The following ADGRD1 variants were observed in gnomAD, a reference collection of about 807,000 sequenced individuals.
The protein encoded by ADGRD1 is adhesion G protein-coupled receptor D1.
A neutral mutation model predicts 113.4 loss-of-function variants in ADGRD1; 77 were observed. The observed-to-expected ratio is 0.68, with a 90% CI of 0.57 to 0.82. The LOEUF (loss-of-function observed/expected upper bound fraction) is 0.82. ADGRD1 is among the 40% of genes least tolerant of loss of function. The probability of loss-of-function intolerance (pLI) is 0.00; values close to 1 mark genes in which losing one functional copy is unlikely to be tolerated. For synonymous variants in ADGRD1, 474 were observed against 475.0 expected (o/e 1.00, Z 0.03); for missense variants, 1,036 against 1,139.1 (o/e 0.91, Z 1.30).
At chr12:131,054,815 C>T (rs935225391) in intron 13 of ADGRD1, among the ~76,000 whole-genome samples, 4 of 152,182 alleles carry the variant, frequency 2.6e-5, no homozygotes, top group African/African-American at 4.8e-5. Context: ...GGCTGAGCTC[C>T]GGGGCAGTTA....
chr12:131,052,926 A>T (rs756512009), intron 13 of ADGRD1, among the ~76,000 whole-genome samples: 2 of 152,130 alleles, frequency 1.3e-5, no homozygotes, highest in Non-Finnish European at 2.9e-5. Context: ...GGAGAACACG[A>T]CACTGTCTGC....
chr12:130,993,880 C>T (rs1874784630), intron 8 of ADGRD1: 1 of 154,840 alleles, frequency 6.5e-6, no homozygotes, highest in South Asian at 2.0e-4. Context: ...TCTCGCCCAG[C>T]TGCAGGCCCC....
At chr12:131,045,588 C>T (rs1041126588) in intron 13 of ADGRD1, among the ~76,000 whole-genome samples, 9 of 151,934 alleles carry the variant, frequency 5.9e-5, no homozygotes, top group East Asian at 1.9e-4. Flanking sequence ...ACCTGGATCA[C>T]GCCCATGCCC....
intron 13 of ADGRD1, chr12:131,069,931 T>G (rs1885020762): frequency 6.6e-6 from 1 of 152,238 alleles, no homozygotes; most frequent in South Asian, 2.1e-4. Context: ...GTCGCCTTGT[T>G]GCGATAGAAA....
At chr12:131,076,737 A>T in intron 13 of ADGRD1, 64 bp from the exon 14 acceptor site, 1 of 1,375,820 alleles carries the variant, frequency 7.3e-7, no homozygotes, top group Non-Finnish European at 1.0e-6. Flanking sequence ...CTCTCACATC[A>T]GTGCTGAGAA....
At chr12:131,070,884 G>C (rs772220469) in intron 13 of ADGRD1, 1 of 519,078 alleles carries the variant, frequency 1.9e-6, no homozygotes, top group Non-Finnish European at 3.8e-6. Context: ...ACGTCCTGGA[G>C]AGTCGGGTGA....
At chr12:131,098,084 C>T (rs1015805683) in intron 15 of ADGRD1, among the ~76,000 whole-genome samples, 7 of 126,596 alleles carry the variant, frequency 5.5e-5, no homozygotes, top group African/African-American at 1.9e-4. Flanking sequence ...CCAGTTTCTG[C>T]TGGTGGCCCG....
intron 4 of ADGRD1, among the ~76,000 whole-genome samples, chr12:130,975,272 T>C (rs1872175942): frequency 6.6e-6 from 1 of 152,124 alleles, no homozygotes; most frequent in African/African-American, 2.4e-5. Flanking sequence ...TCCCCCTACA[T>C]TTCTTCCCAC....
At chr12:130,974,282 C>T (rs1071901) in intron 4 of ADGRD1, among the ~76,000 whole-genome samples, 120,747 of 152,178 alleles carry the variant, frequency 0.79, 51,853 homozygotes, top group Non-Finnish European at 0.95. Flanking sequence ...GAGGCCTTCT[C>T]AGGGGGCACC....
At chr12:131,137,765 G>A in intron 23 of ADGRD1, 1 of 316,968 alleles carries the variant, frequency 3.2e-6, no homozygotes, top group Non-Finnish European at 6.2e-6. Flanking sequence ...CCCTTGCAAG[G>A]CCTGAGGTGG....
chr12:131,025,170 A>C (rs908000371), intron 13 of ADGRD1, among the ~76,000 whole-genome samples: 1 of 152,276 alleles, frequency 6.6e-6, no homozygotes, highest in Non-Finnish European at 1.5e-5. Context: ...TTTTTAAAAA[A>C]AGAAAGTGTT....
intron 12 of ADGRD1, 132 bp downstream of exon 12, chr12:131,006,179 C>A: frequency 1.3e-6 from 1 of 757,166 alleles, no homozygotes; most frequent in South Asian, 1.5e-5. Context: ...CTTCACTGCT[C>A]GGGCAAGGAA....
chr12:131,002,449 C>A, intron 9 of ADGRD1: 1 of 888,598 alleles, frequency 1.1e-6, no homozygotes, highest in Non-Finnish European at 1.3e-6. Flanking sequence ...TTCTGAAGTG[C>A]GTGTTTGTGG....
chr12:130,957,189 C>A (rs1248823212), intron 2 of ADGRD1: 1 of 152,416 alleles, frequency 6.6e-6, no homozygotes, highest in African/African-American at 2.4e-5. Flanking sequence ...TGTATTTACA[C>A]ATGTTCACAC....
chr12:131,138,813 G>C (rs1951173939), intron 24 of ADGRD1, among the ~76,000 whole-genome samples: 1 of 152,270 alleles, frequency 6.6e-6, no homozygotes, highest in South Asian at 2.1e-4. Context: ...GCTGCGCCGG[G>C]TGTGTGGCAC....
At chr12:131,123,237 G>A (rs975154888) in intron 20 of ADGRD1, among the ~76,000 whole-genome samples, 6 of 151,066 alleles carry the variant, frequency 4.0e-5, no homozygotes, top group East Asian at 4.0e-4. Flanking sequence ...TAGAAACAGG[G>A]TTTCACCATG....
In ADGRD1 at chr12:130,987,229, G is replaced by A. The variant is rs139478688; in HGVS notation, c.625G>A (p.Val209Met). Residue 209 changes from valine (V) to methionine (M), a missense_variant, in exon 6 of 25, where the codon GTG becomes ATG. By Grantham distance (21) the Val-to-Met change is conservative. Coordinates refer to ENST00000261654, the MANE Select transcript of ADGRD1 (RefSeq NM_198827.5). ...CTATGGAGAGTCCAACGTCAACCTCGTGATAGGGTCTGAGCAGGACCAGGC... is the reference window on the plus strand; with the variant it reads ...CTATGGAGAGTCCAACGTCAACCTCATGATAGGGTCTGAGCAGGACCAGGC... ...RDYGESNVNLVIGSEQDQAKC... is the reference protein window; with the variant it reads ...RDYGESNVNLMIGSEQDQAKC... 4.4e-5 allele frequency: 71 copies of A among 1,614,104 alleles called. No individual in the cohort carries two copies. The highest frequency in any genetic ancestry group is 6.7e-5 in the African/African-American group (5 of 74,934).
At chr12:131,029,755 G>A (rs1377257589) in intron 13 of ADGRD1, among the ~76,000 whole-genome samples, 1 of 148,098 alleles carries the variant, frequency 6.8e-6, no homozygotes, top group Non-Finnish European at 1.5e-5. Flanking sequence ...GTTAGGTTGT[G>A]GACCCCTTGT....
At chr12:130,956,181 CT>C (rs1348588824) in intron 2 of ADGRD1, among the ~76,000 whole-genome samples, 1 of 152,206 alleles carries the variant, frequency 6.6e-6, no homozygotes, top group Non-Finnish European at 1.5e-5. Context: ...GGGAGAGCCC[CT>C]TTCCTGGATG....
Sources: gnomAD v4.1 joint callset for allele counts (sites outside exome capture counted in the v4.1 genomes callset) on GRCh38, gnomAD v4.1.1 for gene constraint, MANE v1.5 for transcripts, NCBI Gene and HGNC (gene_info 2026-07-23, HGNC 2026-07-21) for gene names.